Variants in PPFIBP1 observed in about 807,000 individuals in gnomAD.
The protein encoded by PPFIBP1 is PPFIB scaffold protein 1.
In PPFIBP1, 112 loss-of-function variants were observed where a neutral mutation model predicts 137.8. That is an observed-to-expected ratio of 0.81 (90% CI 0.70 to 0.95). The LOEUF (loss-of-function observed/expected upper bound fraction) is 0.95, where lower values mean the gene tolerates loss of function less well. Among genes scored for constraint, PPFIBP1 ranks in the 40% least tolerant of loss-of-function variants. The pLI is 0.00. For synonymous variants in PPFIBP1, 378 were observed against 417.3 expected (o/e 0.91, Z 1.15); for missense variants, 1,083 against 1,196.6 (o/e 0.91, Z 1.40).
At position 27,647,679 on chromosome 12, in the gene PPFIBP1, T is replaced by C. The variant is rs188808780; in HGVS notation, c.358-50T>C. ...CCATTTAGAGAAATAACGTATGCAG[T>C]GGGACCCAAATTCTTTTTCACTCAT... On this transcript the variant is annotated intron_variant, in intron 5 of 29. Coordinates refer to ENST00000228425, the MANE Select transcript of PPFIBP1 (RefSeq NM_003622.4). 18 of 1,173,524 alleles carry C rather than the reference T, an allele frequency of 1.5e-5. No individual in the cohort carries two copies. The African/African-American group carries it at 2.8e-4, about 18-fold the overall frequency. 72.7% of individuals were successfully genotyped at this position (1,173,524 alleles called of 1,614,324 possible).
At chr12:27,565,130 A>T (rs944552647) in intron 1 of PPFIBP1, among the ~76,000 whole-genome samples, 3 of 152,230 alleles carry the variant, frequency 2.0e-5, no homozygotes, top group African/African-American at 4.8e-5. Flanking sequence ...ATCTCTAAGG[A>T]TGACATCACT....
chr12:27,662,222 C>T (rs1413480729), intron 11 of PPFIBP1, among the ~76,000 whole-genome samples: 2 of 152,222 alleles, frequency 1.3e-5, no homozygotes, highest in African/African-American at 4.8e-5. Context: ...TGAATCAAAA[C>T]TTGTCTCGAG....
chr12:27,582,879 GTTAA>G (rs1245929605), intron 2 of PPFIBP1, among the ~76,000 whole-genome samples: 3 of 152,192 alleles, frequency 2.0e-5, no homozygotes, highest in African/African-American at 7.2e-5. Context: ...CAATACAACA[GTTAA>G]TTGTCTTCTG....
At chr12:27,675,323 A>T (rs2060450775) in intron 17 of PPFIBP1, among the ~76,000 whole-genome samples, 1 of 152,208 alleles carries the variant, frequency 6.6e-6, no homozygotes, top group South Asian at 2.1e-4. Flanking sequence ...ATAAATGGTT[A>T]AATGATTTTG....
chr12:27,627,067 G>A (rs186158484), intron 2 of PPFIBP1, among the ~76,000 whole-genome samples: 9 of 152,188 alleles, frequency 5.9e-5, no homozygotes, highest in East Asian at 5.8e-4. Context: ...GGGTAAATGG[G>A]GTATCTATCA....
intron 1 of PPFIBP1, among the ~76,000 whole-genome samples, chr12:27,524,662 A>T (rs1276807727): frequency 6.6e-6 from 1 of 152,034 alleles, no homozygotes; most frequent in Non-Finnish European, 1.5e-5. Context: ...GAGAACCCCA[A>T]CCAGAGGGGC....
chr12:27,555,025 G>A (rs371227555), intron 1 of PPFIBP1, among the ~76,000 whole-genome samples: 1 of 152,136 alleles, frequency 6.6e-6, no homozygotes, highest in East Asian at 1.9e-4. Context: ...ACCTCAAATG[G>A]CAACAGAGGC....
intron 14 of PPFIBP1, 76 bp downstream of exon 14, chr12:27,671,622 AT>A: frequency 1.1e-6 from 1 of 914,606 alleles, no homozygotes; most frequent in Non-Finnish European, 1.6e-6. Context: ...TATTGCATTT[AT>A]TTACAGACAC....
At chr12:27,672,512 A>G in intron 15 of PPFIBP1, 29 bp downstream of exon 15, 7 of 1,526,940 alleles carry the variant, frequency 4.6e-6, no homozygotes, top group Non-Finnish European at 6.3e-6. Flanking sequence ...AATGTGAAAA[A>G]TGTGATTGAG....
In PPFIBP1 at chr12:27,594,830, A is replaced by G. The variant is rs541606172; in HGVS notation, c.-36+16591A>G. ...TATAAACACACACATATATATCTGTACATTTATATAATATATCCACATATC... is the reference window on the plus strand; with the variant it reads ...TATAAACACACACATATATATCTGTGCATTTATATAATATATCCACATATC... On this transcript the variant is annotated intron_variant, in intron 2 of 29. Coordinates refer to ENST00000228425, the MANE Select transcript of PPFIBP1 (RefSeq NM_003622.4). Among the ~76,000 whole-genome samples the G allele has an allele frequency of 5.9e-5, 9 of 152,334 alleles. No homozygotes were observed. The East Asian group carries it at 9.6e-4, about 16-fold the overall frequency.
At chr12:27,633,488 T>C in intron 3 of PPFIBP1, 28 bp downstream of exon 3, 2 of 1,588,292 alleles carry the variant, frequency 1.3e-6, no homozygotes, top group South Asian at 1.1e-5. Context: ...AAAGACAGAA[T>C]CACAACATTT....
intron 1 of PPFIBP1, among the ~76,000 whole-genome samples, chr12:27,546,765 C>T (rs1946275538): frequency 6.6e-6 from 1 of 152,140 alleles, no homozygotes; most frequent in South Asian, 2.1e-4. Context: ...GTAATCCCAG[C>T]ATTTTGGGGA....
intron 2 of PPFIBP1, among the ~76,000 whole-genome samples, chr12:27,597,655 A>G (rs146193174): frequency 3.2e-4 from 48 of 152,260 alleles, no homozygotes; most frequent in African/African-American, 1.1e-3. Context: ...ACTCATGGAA[A>G]TGGAGCACTT....
chr12:27,601,598 T>C (rs1168217261), intron 2 of PPFIBP1, among the ~76,000 whole-genome samples: 2 of 152,214 alleles, frequency 1.3e-5, no homozygotes, highest in Non-Finnish European at 2.9e-5. Context: ...AATATTAAGT[T>C]GTGCAATTCA....
intron 4 of PPFIBP1, among the ~76,000 whole-genome samples, chr12:27,637,977 C>CT (rs1387332180): frequency 1.3e-5 from 2 of 151,840 alleles, no homozygotes; most frequent in Non-Finnish European, 2.9e-5. Flanking sequence ...CCCTTCTTTC[C>CT]TTTTTTTATT....
At chr12:27,598,221 A>G (rs1472007622) in intron 2 of PPFIBP1, among the ~76,000 whole-genome samples, 1 of 152,224 alleles carries the variant, frequency 6.6e-6, no homozygotes, top group African/African-American at 2.4e-5. Flanking sequence ...ATAAAGAAAA[A>G]AAAGTTTAAT....
In PPFIBP1 at chr12:27,654,742, T is replaced by C. The variant is rs1419777166; in HGVS notation, c.624T>C (p.Asn208=). Residue 208 remains asparagine (N), a synonymous_variant, in exon 8 of 30, where the codon AAT becomes AAC. Coordinates refer to ENST00000228425, the MANE Select transcript of PPFIBP1 (RefSeq NM_003622.4). ...GACAGGGGCTGATTCAGGAGATCAA[T>C]GATTTGAGGTTAAAAGTTAGTGAAA... is the stretch of plus-strand genomic sequence containing the variant. The part of the protein sequence containing the change: ...RDTEGLIQEI[N]DLRLKVSEMD... 2 of 1,611,382 alleles carry C rather than the reference T, an allele frequency of 1.2e-6. No individual in the cohort carries two copies. The highest frequency in any genetic ancestry group is 2.2e-5 in the East Asian group (1 of 44,758).
chr12:27,647,349 G>T (rs1208056331), intron 5 of PPFIBP1, among the ~76,000 whole-genome samples: 2 of 152,072 alleles, frequency 1.3e-5, no homozygotes, highest in East Asian at 1.9e-4. Flanking sequence ...TCTCCTTGAA[G>T]TATCAAATTT....
At chr12:27,633,001 G>T (rs1453259843) in intron 2 of PPFIBP1, among the ~76,000 whole-genome samples, 1 of 152,136 alleles carries the variant, frequency 6.6e-6, no homozygotes. Context: ...ATTGGGTGGG[G>T]CTGGTAAAGG....
Sources: gnomAD v4.1 joint callset for allele counts (sites outside exome capture counted in the v4.1 genomes callset) on GRCh38, gnomAD v4.1.1 for gene constraint, MANE v1.5 for transcripts, NCBI Gene and HGNC (gene_info 2026-07-23, HGNC 2026-07-21) for gene names.